Variants in PRKCH observed in about 807,000 individuals in gnomAD.
The protein encoded by PRKCH is protein kinase C eta.
A neutral mutation model predicts 82.5 loss-of-function variants in PRKCH; 28 were observed. That is an observed-to-expected ratio of 0.34 (90% CI 0.25 to 0.47). PRKCH has a LOEUF of 0.47. Among genes scored for constraint, PRKCH ranks in the 20% least tolerant of loss-of-function variants. PRKCH has a pLI of 1.00. For synonymous variants in PRKCH, 322 were observed against 327.4 expected (o/e 0.98, Z 0.18); for missense variants, 705 against 881.8 (o/e 0.80, Z 2.54).
chr14:61,418,323 A>T (rs570378553), intron 2 of PRKCH, among the ~76,000 whole-genome samples: 1 of 152,238 alleles, frequency 6.6e-6, no homozygotes, highest in Non-Finnish European at 1.5e-5. Context: ...GGTGAATGTG[A>T]CAGAATTCCT....
At chr14:61,461,655 C>A (rs1212154991) in intron 9 of PRKCH, among the ~76,000 whole-genome samples, 1 of 152,142 alleles carries the variant, frequency 6.6e-6, no homozygotes, top group Non-Finnish European at 1.5e-5. Flanking sequence ...GTATCTCATA[C>A]CTAACAGGGG....
At chr14:61,485,366 C>A in intron 9 of PRKCH, 136 bp from the exon 10 acceptor site, 1 of 1,154,482 alleles carries the variant, frequency 8.7e-7, no homozygotes, top group Non-Finnish European at 1.2e-6. Context: ...CACCCTGACC[C>A]ATGGTCAGGA....
At chr14:61,473,983 G>C (rs1207675254) in intron 9 of PRKCH, among the ~76,000 whole-genome samples, 2 of 145,674 alleles carry the variant, frequency 1.4e-5, no homozygotes, top group Admixed American at 1.4e-4. Context: ...AACAGAGCGA[G>C]ACTCTGTCTT....
At chr14:61,412,947 C>A (rs1391951820) in intron 2 of PRKCH, among the ~76,000 whole-genome samples, 1 of 152,090 alleles carries the variant, frequency 6.6e-6, no homozygotes, top group Non-Finnish European at 1.5e-5. Flanking sequence ...CCTCTCTGGC[C>A]TCTTAACACA....
chr14:61,486,852 T>C (rs1886248716), intron 10 of PRKCH, among the ~76,000 whole-genome samples: 1 of 152,196 alleles, frequency 6.6e-6, no homozygotes, highest in African/African-American at 2.4e-5. Context: ...AATTGTTGCT[T>C]TCCTTAGAGA....
intron 11 of PRKCH, 125 bp from the exon 12 acceptor site, chr14:61,530,282 C>T: frequency 9.4e-7 from 1 of 1,058,638 alleles, no homozygotes; most frequent in Non-Finnish European, 1.3e-6. Context: ...AATACGCTTG[C>T]TAGCACAGGA....
intron 10 of PRKCH, among the ~76,000 whole-genome samples, chr14:61,523,290 C>T (rs1407354591): frequency 6.6e-6 from 1 of 152,244 alleles, no homozygotes; most frequent in Non-Finnish European, 1.5e-5. Context: ...TTCGATTATG[C>T]ATTTCATAGT....
intron 2 of PRKCH, among the ~76,000 whole-genome samples, chr14:61,416,063 T>TTC (rs1882542201): frequency 7.2e-6 from 1 of 138,578 alleles, no homozygotes; most frequent in East Asian, 2.1e-4. Flanking sequence ...CTTTTTTTTT[T>TTC]TTTTTTTTTT....
At chr14:61,282,307 CAT>C in intron 1 of PRKCH, among the ~76,000 whole-genome samples, 1 of 140,400 alleles carries the variant, frequency 7.1e-6, no homozygotes, top group South Asian at 2.3e-4. Context: ...GTTGGTAAAA[CAT>C]ATACAAGGGG....
intron 1 of PRKCH, among the ~76,000 whole-genome samples, chr14:61,300,582 T>G (rs2045441170): frequency 6.6e-6 from 1 of 152,170 alleles, no homozygotes; most frequent in African/African-American, 2.4e-5. Context: ...ATTTAAATCG[T>G]CATTGATATA....
At chr14:61,229,312 T>C (rs1349894091) in intron 1 of PRKCH, among the ~76,000 whole-genome samples, 1 of 152,152 alleles carries the variant, frequency 6.6e-6, no homozygotes. Flanking sequence ...TACTGTACAA[T>C]GGGCTCCTGA....
At chr14:61,526,191 G>A (rs2042964154) in intron 10 of PRKCH, among the ~76,000 whole-genome samples, 1 of 152,220 alleles carries the variant, frequency 6.6e-6, no homozygotes, top group Admixed American at 6.5e-5. Flanking sequence ...GGAGGAAGCA[G>A]CTTCCACAAA....
intron 2 of PRKCH, among the ~76,000 whole-genome samples, chr14:61,442,013 A>G (rs570297101): frequency 1.3e-5 from 2 of 152,150 alleles, no homozygotes; most frequent in Admixed American, 6.5e-5. Flanking sequence ...TTATTGTTCT[A>G]TAATTTCCTT....
At chr14:61,324,461 GT>G (rs1376740084) in intron 1 of PRKCH, among the ~76,000 whole-genome samples, 1 of 151,570 alleles carries the variant, frequency 6.6e-6, no homozygotes, top group Non-Finnish European at 1.5e-5. Flanking sequence ...TTTTTTTGTT[GT>G]TTTTTTTAAA....
At chr14:61,328,397 A>ATAACGT in intron 1 of PRKCH, among the ~76,000 whole-genome samples, 1 of 152,166 alleles carries the variant, frequency 6.6e-6, no homozygotes, top group Non-Finnish European at 1.5e-5. Flanking sequence ...TAAAACTTGT[A>ATAACGT]ATACGTTATA....
At chr14:61,334,133 G>A (rs2045823491) in intron 1 of PRKCH, among the ~76,000 whole-genome samples, 1 of 152,104 alleles carries the variant, frequency 6.6e-6, no homozygotes, top group African/African-American at 2.4e-5. Flanking sequence ...ATTCTTTCCC[G>A]ACTCCACCTC....
chr14:61,494,574 C>T (rs59271320), intron 10 of PRKCH, among the ~76,000 whole-genome samples: 18,076 of 152,160 alleles, frequency 0.12, 1,149 homozygotes, highest in Admixed American at 0.18. Flanking sequence ...GTGCCATTGA[C>T]ACAGCTTCCC....
intron 10 of PRKCH, among the ~76,000 whole-genome samples, chr14:61,491,623 G>A (rs747426300): frequency 3.9e-5 from 6 of 152,172 alleles, no homozygotes; most frequent in Non-Finnish European, 7.3e-5. Flanking sequence ...CTTCTTCAAG[G>A]ATATGATGGA....
intron 1 of PRKCH, among the ~76,000 whole-genome samples, chr14:61,218,165 C>G (rs529328178): frequency 6.6e-6 from 1 of 152,170 alleles, no homozygotes; most frequent in Non-Finnish European, 1.5e-5. Flanking sequence ...GCTGGGTTCT[C>G]TCCAAAAAAA....
Sources: allele counts gnomAD v4.1 joint callset (sites outside exome capture counted in the v4.1 genomes callset), GRCh38; gene constraint gnomAD v4.1.1; transcripts MANE v1.5; gene names NCBI Gene and HGNC (gene_info 2026-07-23, HGNC 2026-07-21).